The following NELL2 variants were observed in gnomAD, a reference collection of about 807,000 sequenced individuals.
The protein encoded by NELL2 is neural EGFL like 2.
NELL2 carries 41 observed loss-of-function variants against 109.6 expected under a neutral mutation model. The observed-to-expected ratio is 0.37, with a 90% CI of 0.29 to 0.49. The LOEUF (loss-of-function observed/expected upper bound fraction) is 0.49. Among genes scored for constraint, NELL2 ranks in the 20% least tolerant of loss-of-function variants. NELL2 has a pLI of 0.98. For synonymous variants in NELL2, 355 were observed against 344.7 expected (o/e 1.03, Z -0.33); for missense variants, 900 against 1,008.3 (o/e 0.89, Z 1.45).
intron 14 of NELL2, among the ~76,000 whole-genome samples, chr12:44,607,759 A>T (rs1437707118): frequency 1.3e-5 from 2 of 152,120 alleles, no homozygotes; most frequent in East Asian, 3.9e-4. Flanking sequence ...GGGTCCTGGT[A>T]ATGAATTAAC....
At chr12:44,533,300 A>G (rs1433567824) in intron 15 of NELL2, among the ~76,000 whole-genome samples, 2 of 152,162 alleles carry the variant, frequency 1.3e-5, no homozygotes, top group African/African-American at 4.8e-5. Context: ...ACCTTAGTTG[A>G]CACTCTAATA....
chr12:44,630,099 T>G (rs761897447), intron 13 of NELL2, among the ~76,000 whole-genome samples: 2 of 152,226 alleles, frequency 1.3e-5, no homozygotes, highest in Non-Finnish European at 2.9e-5. Flanking sequence ...GCTTTGAAGA[T>G]ATATAATTTG....
chr12:44,633,677 GA>G (rs1946533880), intron 13 of NELL2, among the ~76,000 whole-genome samples: 1 of 152,102 alleles, frequency 6.6e-6, no homozygotes, highest in East Asian at 1.9e-4. Flanking sequence ...TCTGAATAAT[GA>G]ATAGTAGATT....
intron 9 of NELL2, among the ~76,000 whole-genome samples, chr12:44,751,308 A>G (rs1940640469): frequency 6.6e-6 from 1 of 152,166 alleles, no homozygotes; most frequent in Non-Finnish European, 1.5e-5. Flanking sequence ...CCGTTAAATG[A>G]TATTTTGTTC....
At chr12:44,711,247 A>G in intron 11 of NELL2, 45 bp downstream of exon 11, 1 of 1,378,778 alleles carries the variant, frequency 7.3e-7, no homozygotes, top group Non-Finnish European at 1.0e-6. Context: ...CTAGCCTACT[A>G]TAATAACTCT....
At chr12:44,652,874 T>C (rs927466926) in intron 13 of NELL2, among the ~76,000 whole-genome samples, 2 of 152,234 alleles carry the variant, frequency 1.3e-5, no homozygotes, top group Admixed American at 1.3e-4. Flanking sequence ...AGGATGTCTA[T>C]GTTCCTGCTC....
At chr12:44,855,285 G>C (rs558260204) in intron 2 of NELL2, among the ~76,000 whole-genome samples, 1 of 152,270 alleles carries the variant, frequency 6.6e-6, no homozygotes, top group African/African-American at 2.4e-5. Flanking sequence ...AGATTCCTGG[G>C]ATTCATCCCC....
At chr12:44,735,743 C>T (rs777055036) in intron 9 of NELL2, among the ~76,000 whole-genome samples, 17 of 152,076 alleles carry the variant, frequency 1.1e-4, no homozygotes, top group Non-Finnish European at 2.2e-4. Context: ...GAATCCCTTG[C>T]TATTATTTTT....
At chr12:44,781,488 G>A (rs544008708) in intron 3 of NELL2, among the ~76,000 whole-genome samples, 1 of 152,094 alleles carries the variant, frequency 6.6e-6, no homozygotes, top group African/African-American at 2.4e-5. Flanking sequence ...AAGAAATAAT[G>A]GCTGAACACC....
At chr12:44,859,564 G>C (rs965185651) in intron 2 of NELL2, among the ~76,000 whole-genome samples, 2 of 151,974 alleles carry the variant, frequency 1.3e-5, no homozygotes, top group Non-Finnish European at 2.9e-5. Context: ...AAATAAACAG[G>C]AGACATATCA....
At chr12:44,521,578 GT>G (rs1318303814) in intron 18 of NELL2, among the ~76,000 whole-genome samples, 3 of 150,844 alleles carry the variant, frequency 2.0e-5, no homozygotes, top group African/African-American at 7.3e-5. Context: ...GAGTTGCTTT[GT>G]TTTTTAAGTC....
intron 12 of NELL2, among the ~76,000 whole-genome samples, chr12:44,681,343 T>C (rs910673174): frequency 6.7e-6 from 1 of 149,838 alleles, no homozygotes; most frequent in Non-Finnish European, 1.5e-5. Flanking sequence ...TTTTAAGAGC[T>C]TCTTAAAAGC....
intron 9 of NELL2, among the ~76,000 whole-genome samples, chr12:44,758,631 G>A (rs1261489516): frequency 6.6e-6 from 1 of 152,130 alleles, no homozygotes; most frequent in Non-Finnish European, 1.5e-5. Context: ...GTCAAGTGAT[G>A]AAGATACAGA....
intron 5 of NELL2, 39 bp from the exon 6 acceptor site, chr12:44,777,353 C>G: frequency 6.6e-7 from 1 of 1,517,574 alleles, no homozygotes; most frequent in Non-Finnish European, 9.1e-7. Flanking sequence ...ATATTACTTT[C>G]ATTTACCCAA....
chr12:44,567,796 T>C (rs1374115156), intron 15 of NELL2, among the ~76,000 whole-genome samples: 1 of 152,168 alleles, frequency 6.6e-6, no homozygotes, highest in Non-Finnish European at 1.5e-5. Context: ...TACATACGAT[T>C]GCCCTGATCA....
chr12:44,649,837 G>C (rs1235484739), intron 13 of NELL2, among the ~76,000 whole-genome samples: 1 of 152,174 alleles, frequency 6.6e-6, no homozygotes, highest in African/African-American at 2.4e-5. Flanking sequence ...TGTGATCACA[G>C]GAGCATTTAG....
rs559011122 is a variant in NELL2, at chr12:44,912,044, C to A, written c.38+1755G>T. On this transcript the variant is annotated intron_variant, in intron 1 of 20. Coordinates refer to the NELL2 transcript ENST00000333837. Reference sequence around the variant, plus strand: ...TGCCCCTGAGGATTGAGTTGGAGCTCAGGTTGAAGGTCTCTGTCTATGTGT... The same window carrying A: ...TGCCCCTGAGGATTGAGTTGGAGCTAAGGTTGAAGGTCTCTGTCTATGTGT... Among the ~76,000 whole-genome samples the A allele has an allele frequency of 7.3e-5, 11 of 151,456 alleles. 1 individual carries two copies. The East Asian group carries it at 2.1e-3, about 29-fold the overall frequency.
At chr12:44,801,274 T>A (rs1942819900) in intron 3 of NELL2, among the ~76,000 whole-genome samples, 1 of 152,072 alleles carries the variant, frequency 6.6e-6, no homozygotes, top group African/African-American at 2.4e-5. Context: ...GTAGGTCATG[T>A]GATGCTGCTG....
intron 3 of NELL2, among the ~76,000 whole-genome samples, chr12:44,798,975 T>G (rs1445028550): frequency 9.1e-6 from 1 of 109,390 alleles, no homozygotes; most frequent in African/African-American, 2.9e-5. Context: ...TTTTTTTTTT[T>G]TGAGACAGAG....
Sources: gnomAD v4.1 joint callset for allele counts (sites outside exome capture counted in the v4.1 genomes callset) on GRCh38, gnomAD v4.1.1 for gene constraint, MANE v1.5 for transcripts, NCBI Gene and HGNC (gene_info 2026-07-23, HGNC 2026-07-21) for gene names.